Variants in MTF2 observed in about 807,000 individuals in gnomAD.
MTF2 encodes metal-response element-binding transcription factor 2.
A neutral mutation model predicts 79.5 loss-of-function variants in MTF2; 11 were observed. That is an observed-to-expected ratio of 0.14 (90% confidence interval 0.09 to 0.23). The LOEUF (loss-of-function observed/expected upper bound fraction) is 0.23, where lower values mean the gene tolerates loss of function less well. Ranked by LOEUF, MTF2 falls within the 10% of genes least tolerant of loss-of-function variation. The pLI, the probability that MTF2 is intolerant of heterozygous loss-of-function variation, is 1.00. For missense variants in MTF2, 486 were observed against 711.2 expected (o/e 0.68, Z 3.60); for synonymous variants, 208 against 232.8 (o/e 0.89, Z 0.97).
chr1:93,102,081 A>C lies in MTF2; in HGVS notation c.6-8149A>C, dbSNP rs375154420. 1.6e-3 allele frequency among the ~76,000 whole-genome samples: 243 copies of C among 152,334 alleles called. 1 individual carries two copies. Among genetic ancestry groups the C allele is most frequent in the African/African-American group, 5.5e-3 (230 of 41,576 alleles). ...GGTGAGATGAGGGATATAGCTTTGTAGCTACTGACCAGAGTCAACTGAGTA... is the reference window on the plus strand; with the variant it reads ...GGTGAGATGAGGGATATAGCTTTGTCGCTACTGACCAGAGTCAACTGAGTA... On this transcript the variant is annotated intron_variant, in intron 1 of 14. Coordinates refer to ENST00000370298, the MANE Select transcript of MTF2 (RefSeq NM_007358.4).
At chr1:93,099,931 T>C (rs1655457440) in intron 1 of MTF2, among the ~76,000 whole-genome samples, 1 of 152,256 alleles carries the variant, frequency 6.6e-6, no homozygotes, top group African/African-American at 2.4e-5. Flanking sequence ...TATCTTTGCA[T>C]GACCAATATT....
intron 9 of MTF2, chr1:93,121,868 C>A: frequency 1.9e-6 from 1 of 530,406 alleles, no homozygotes; most frequent in Non-Finnish European, 2.4e-6. Context: ...ATGGCGTGAT[C>A]TCAGCTCACC....
intron 2 of MTF2, 35 bp from the exon 3 acceptor site, chr1:93,110,510 A>G: frequency 6.2e-7 from 1 of 1,602,322 alleles, no homozygotes; most frequent in Admixed American, 1.7e-5. Context: ...TTTTAATTTT[A>G]AGAGATCACC....
At chr1:93,112,556 C>T (rs1231148887) in intron 3 of MTF2, among the ~76,000 whole-genome samples, 1 of 152,110 alleles carries the variant, frequency 6.6e-6, no homozygotes, top group Non-Finnish European at 1.5e-5. Flanking sequence ...GGTGGTTTAG[C>T]ATTTGCATTA....
At chr1:93,107,719 T>C (rs1655857726) in intron 1 of MTF2, among the ~76,000 whole-genome samples, 2 of 145,810 alleles carry the variant, frequency 1.4e-5, no homozygotes, top group African/African-American at 5.0e-5. Flanking sequence ...ATTTTTTTTT[T>C]CGTTTGTTCT....
chr1:93,129,635 A>G (rs1461004620), intron 11 of MTF2, among the ~76,000 whole-genome samples, 187 bp downstream of exon 11: 4 of 107,208 alleles, frequency 3.7e-5, no homozygotes, highest in Non-Finnish European at 5.7e-5. Context: ...ATGCTTGTTT[A>G]TTTATTTTAG....
intron 1 of MTF2, among the ~76,000 whole-genome samples, chr1:93,084,183 G>T (rs1654737853): frequency 6.6e-6 from 1 of 151,928 alleles, no homozygotes; most frequent in Non-Finnish European, 1.5e-5. Flanking sequence ...TGAGGTAGGG[G>T]TCCAACTTCA....
At chr1:93,080,582 C>T (rs1039590171) in intron 1 of MTF2, among the ~76,000 whole-genome samples, 2 of 152,126 alleles carry the variant, frequency 1.3e-5, no homozygotes, top group African/African-American at 2.4e-5. Flanking sequence ...CATAGGAAGG[C>T]ACCATGTGAG....
At chr1:93,085,946 A>G (rs1171965767) in intron 1 of MTF2, among the ~76,000 whole-genome samples, 1 of 152,100 alleles carries the variant, frequency 6.6e-6, no homozygotes, top group Non-Finnish European at 1.5e-5. Flanking sequence ...GTCGTTTGTT[A>G]TCAGTATTAT....
Position 93,138,132 on chromosome 1 carries a change from C to G in MTF2, c.*1105C>G, listed in dbSNP as rs1363584004. ...GGGTTAACAAACAGTATGTTGCCAG[C>G]TGAGGCTACTGCTGTTTTATTACAA... On this transcript the variant is annotated 3_prime_UTR_variant, in exon 15 of 15. Coordinates refer to ENST00000370298, the MANE Select transcript of MTF2 (RefSeq NM_007358.4). The G allele has an allele frequency of 6.6e-6, 1 of 152,138 alleles. No individual in the cohort carries two copies. Among genetic ancestry groups the G allele is most frequent in the Non-Finnish European group, 1.5e-5 (1 of 67,994 alleles). The allele number at this position is 152,138 out of a possible 1,614,324, so 9.4% of individuals were successfully genotyped here.
At chr1:93,122,002 A>G (rs929674289) in intron 9 of MTF2, among the ~76,000 whole-genome samples, 1 of 152,076 alleles carries the variant, frequency 6.6e-6, no homozygotes, top group Non-Finnish European at 1.5e-5. Flanking sequence ...GAGTTTTGCC[A>G]TGTTGGCCAG....
At position 93,133,724 on chromosome 1, in the gene MTF2, A is replaced by G; in HGVS notation, c.1182A>G (p.Glu394=). The G allele has an allele frequency of 1.2e-6, 2 of 1,611,472 alleles. No homozygotes were observed. The highest frequency in any genetic ancestry group is 1.7e-6 in the Non-Finnish European group (2 of 1,179,162). ...SDSREVSNGI[E]KKGKKKSVGR... ...TCAGGGAAGTAAGCAATGGCATAGAAAAAAAAGGAAAGAAAAAATCTGTAG... is the reference window on the plus strand; with the variant it reads ...TCAGGGAAGTAAGCAATGGCATAGAGAAAAAAGGAAAGAAAAAATCTGTAG... Residue 394 remains glutamate (E), a synonymous_variant, in exon 12 of 15, where the codon GAA becomes GAG. Transcript: ENST00000370298.
At chr1:93,093,964 G>C (rs568887512) in intron 1 of MTF2, among the ~76,000 whole-genome samples, 1 of 152,154 alleles carries the variant, frequency 6.6e-6, no homozygotes, top group Non-Finnish European at 1.5e-5. Context: ...AGATTTTTAA[G>C]TGAATAGTTC....
chr1:93,115,731 G>A (rs113314230), intron 6 of MTF2, 113 bp downstream of exon 6: 2 of 763,334 alleles, frequency 2.6e-6, no homozygotes, highest in African/African-American at 1.8e-5. Context: ...ACACATCAGT[G>A]AAGAAAACCA....
intron 1 of MTF2, among the ~76,000 whole-genome samples, chr1:93,096,456 A>G (rs911236601): frequency 1.3e-5 from 2 of 151,882 alleles, no homozygotes; most frequent in Non-Finnish European, 2.9e-5. Context: ...ATATTTCCCA[A>G]ATGTTTTCCA....
intron 1 of MTF2, among the ~76,000 whole-genome samples, chr1:93,099,436 TGA>T (rs1571224478): frequency 6.6e-6 from 1 of 152,164 alleles, no homozygotes; most frequent in African/African-American, 2.4e-5. Context: ...AGAAACTTTC[TGA>T]GGAAAAAATG....
intron 14 of MTF2, 101 bp from the exon 15 acceptor site, chr1:93,136,569 A>G (rs1647406684): frequency 2.1e-6 from 2 of 937,844 alleles, no homozygotes; most frequent in East Asian, 4.8e-5. Context: ...ATCATCAAGG[A>G]TATATGGTAT....
chr1:93,137,130 AAAGTCAAAAAAATTC>A lies in MTF2; in HGVS notation c.*106_*120del. 9.8e-7 allele frequency: 1 copy of A among 1,024,566 alleles called. No individual in the cohort carries two copies. The highest frequency in any genetic ancestry group is 1.4e-6 in the Non-Finnish European group (1 of 715,718). The allele number at this position is 1,024,566 out of a possible 1,614,324, so 63.5% of individuals were successfully genotyped here. ...TTACTATCTTTCTTAAAAAAAAAAA[AAAGTCAAAAAAATTC>A]AAAAAAGGGGATGATACTAGCCTTA... On this transcript the variant is annotated 3_prime_UTR_variant, in exon 15 of 15. Transcript: ENST00000370298.
chr1:93,085,193 C>CT (rs1306405963), intron 1 of MTF2, among the ~76,000 whole-genome samples: 138 of 143,940 alleles, frequency 9.6e-4, no homozygotes, highest in Middle Eastern at 3.7e-3. Flanking sequence ...TTCTTTCTTT[C>CT]TTTTTTTTTT....
Sources: allele counts gnomAD v4.1 joint callset (sites outside exome capture counted in the v4.1 genomes callset), GRCh38; gene constraint gnomAD v4.1.1; transcripts MANE v1.5; gene names NCBI Gene and HGNC (gene_info 2026-07-23, HGNC 2026-07-21).